Variants in ELMO1 observed in about 807,000 individuals in gnomAD.
ELMO1 encodes engulfment and cell motility protein 1.
ELMO1 carries 26 observed loss-of-function variants against 98.9 expected under a neutral mutation model. The ratio of observed to expected loss-of-function variants is 0.26; its 90% CI spans 0.19 to 0.36. ELMO1 has a LOEUF of 0.36. Ranked by LOEUF, ELMO1 falls within the 10% of genes least tolerant of loss-of-function variation. ELMO1 has a pLI of 1.00. For missense variants in ELMO1, 627 were observed against 935.2 expected (o/e 0.67, Z 4.30); for synonymous variants, 346 against 346.0 (o/e 1.00, Z 0.00).
intron 16 of ELMO1, among the ~76,000 whole-genome samples, chr7:36,961,367 G>T (rs1562858883): frequency 6.6e-6 from 1 of 152,098 alleles, no homozygotes; most frequent in Non-Finnish European, 1.5e-5. Context: ...GGAAAAAAGA[G>T]AAAGAAAAGC....
At chr7:37,138,235 A>AAAC (rs201679866) in intron 13 of ELMO1, among the ~76,000 whole-genome samples, 4,181 of 152,030 alleles carry the variant, frequency 0.028, 153 homozygotes, top group African/African-American at 0.083. Flanking sequence ...AAATTGAAAC[A>AAAC]AACAACAACA....
intron 16 of ELMO1, chr7:36,919,459 T>TG (rs1784966161): frequency 2.0e-6 from 1 of 509,884 alleles, no homozygotes; most frequent in South Asian, 1.4e-5. Context: ...ATGTGGGCTT[T>TG]GGGGTCACAG....
chr7:37,071,370 C>T (rs140670138), intron 15 of ELMO1, among the ~76,000 whole-genome samples: 55 of 152,262 alleles, frequency 3.6e-4, no homozygotes, highest in African/African-American at 1.2e-3. Flanking sequence ...TCATATTCTT[C>T]ACCATGCCCA....
chr7:37,267,805 C>A (rs1179189411), intron 5 of ELMO1, among the ~76,000 whole-genome samples: 1 of 152,158 alleles, frequency 6.6e-6, no homozygotes, highest in Admixed American at 6.5e-5. Flanking sequence ...TTTCTTGATC[C>A]ACTCATAAAA....
intron 15 of ELMO1, among the ~76,000 whole-genome samples, chr7:37,050,398 C>T (rs1271437165): frequency 2.0e-5 from 3 of 152,086 alleles, no homozygotes; most frequent in African/African-American, 7.2e-5. Flanking sequence ...CCATGCCTGG[C>T]CCCCAGTTCT....
At chr7:37,031,840 T>G (rs936183658) in intron 15 of ELMO1, among the ~76,000 whole-genome samples, 1 of 152,184 alleles carries the variant, frequency 6.6e-6, no homozygotes, top group African/African-American at 2.4e-5. Context: ...AATATTGCAC[T>G]GAAATATTAT....
At chr7:37,194,457 T>G (rs1791842877) in intron 13 of ELMO1, among the ~76,000 whole-genome samples, 1 of 152,218 alleles carries the variant, frequency 6.6e-6, no homozygotes, top group African/African-American at 2.4e-5. Context: ...ATTCCCCTTC[T>G]ATTTCTAGTT....
At position 36,860,467 on chromosome 7, in the gene ELMO1, C is replaced by T. The variant is rs556307349; in HGVS notation, c.1983+1192G>A. 1.2e-4 allele frequency among the ~76,000 whole-genome samples: 18 copies of T among 152,314 alleles called. No individual in the cohort carries two copies. The East Asian group carries it at 1.3e-3, about 11-fold the overall frequency. ...ATTAAAAGTGTTCACAAGCATATGG[C>T]ATTTTTCTCTTCATTGTATCTATAA... On this transcript the variant is annotated intron_variant, in intron 21 of 21. Coordinates refer to ENST00000310758, the MANE Select transcript of ELMO1 (RefSeq NM_014800.11).
At chr7:37,132,454 G>T (rs1786987629) in intron 14 of ELMO1, among the ~76,000 whole-genome samples, 1 of 152,122 alleles carries the variant, frequency 6.6e-6, no homozygotes, top group Non-Finnish European at 1.5e-5. Context: ...ACAGGGGAGA[G>T]GTGTCAGCAC....
At chr7:37,361,825 G>A (rs1244883399) in intron 1 of ELMO1, among the ~76,000 whole-genome samples, 2 of 152,102 alleles carry the variant, frequency 1.3e-5, no homozygotes, top group African/African-American at 4.8e-5. Flanking sequence ...ACCAGGCGTG[G>A]TAGCACGCAC....
chr7:37,326,554 CAAAA>C (rs56148707), intron 2 of ELMO1, among the ~76,000 whole-genome samples: 4 of 102,096 alleles, frequency 3.9e-5, no homozygotes, highest in Non-Finnish European at 2.0e-5. Flanking sequence ...GACTCCATCT[CAAAA>C]AAAAAAAAAA....
intron 1 of ELMO1, among the ~76,000 whole-genome samples, chr7:37,410,163 C>A (rs1803936892): frequency 6.6e-6 from 1 of 152,174 alleles, no homozygotes; most frequent in Non-Finnish European, 1.5e-5. Flanking sequence ...TCTCTAACTT[C>A]TTTGCATAGG....
At chr7:37,434,048 A>G in intron 1 of ELMO1, among the ~76,000 whole-genome samples, 1 of 152,184 alleles carries the variant, frequency 6.6e-6, no homozygotes, top group East Asian at 1.9e-4. Context: ...ACAGCTGCAT[A>G]TGAAAGGATT....
intron 16 of ELMO1, among the ~76,000 whole-genome samples, chr7:36,960,489 T>C (rs907810806): frequency 6.6e-6 from 1 of 152,206 alleles, no homozygotes; most frequent in African/African-American, 2.4e-5. Context: ...TCTCTGTTTC[T>C]GAAATGCTCT....
At chr7:37,313,506 T>C (rs1798994069) in intron 4 of ELMO1, among the ~76,000 whole-genome samples, 1 of 152,184 alleles carries the variant, frequency 6.6e-6, no homozygotes. Context: ...ATTACAGACG[T>C]GAGCCACCGC....
intron 15 of ELMO1, among the ~76,000 whole-genome samples, chr7:37,042,006 C>G (rs1305183651): frequency 6.6e-6 from 1 of 151,448 alleles, no homozygotes; most frequent in Non-Finnish European, 1.5e-5. Context: ...GTTACATGGC[C>G]GGGCATGGTG....
chr7:36,864,367 T>C (rs1465240535), intron 20 of ELMO1, among the ~76,000 whole-genome samples: 2 of 152,210 alleles, frequency 1.3e-5, no homozygotes, highest in Admixed American at 6.5e-5. Flanking sequence ...ATGACCTAGA[T>C]TCCTGATAAA....
At chr7:36,961,756 A>G (rs753514069) in intron 16 of ELMO1, among the ~76,000 whole-genome samples, 6 of 152,214 alleles carry the variant, frequency 3.9e-5, no homozygotes, top group Admixed American at 2.6e-4. Flanking sequence ...ACTTGAAAAA[A>G]ACAGTTTAAC....
intron 16 of ELMO1, among the ~76,000 whole-genome samples, chr7:37,007,198 T>C (rs1446487722): frequency 6.6e-6 from 1 of 152,198 alleles, no homozygotes; most frequent in Non-Finnish European, 1.5e-5. Context: ...AAAAAATGCT[T>C]GTTAATCGCC....
Sources: gnomAD v4.1 joint callset for allele counts (sites outside exome capture counted in the v4.1 genomes callset) on GRCh38, gnomAD v4.1.1 for gene constraint, MANE v1.5 for transcripts, NCBI Gene and HGNC (gene_info 2026-07-23, HGNC 2026-07-21) for gene names.